Variants in DOCK3 observed in about 807,000 individuals in gnomAD.
The protein encoded by DOCK3 is dedicator of cytokinesis 3.
In DOCK3, 60 loss-of-function variants were observed where a neutral mutation model predicts 265.6. The ratio of observed to expected loss-of-function variants is 0.23; its 90% CI spans 0.18 to 0.28. DOCK3 has a LOEUF of 0.28. Among genes scored for constraint, DOCK3 ranks in the 10% least tolerant of loss-of-function variants. The probability of loss-of-function intolerance (pLI) is 1.00; values close to 1 mark genes in which losing one functional copy is unlikely to be tolerated. For missense variants in DOCK3, 1,981 were observed against 2,594.3 expected (o/e 0.76, Z 5.14); for synonymous variants, 881 against 938.0 (o/e 0.94, Z 1.11).
chr3:50,739,457 A>G (rs2038871666), intron 1 of DOCK3, among the ~76,000 whole-genome samples: 1 of 152,086 alleles, frequency 6.6e-6, no homozygotes, highest in Non-Finnish European at 1.5e-5. Flanking sequence ...TGAACCACCC[A>G]TTCCTTAGTA....
chr3:51,310,940 CAT>C (rs1275378312), intron 28 of DOCK3, among the ~76,000 whole-genome samples: 3 of 152,184 alleles, frequency 2.0e-5, no homozygotes, highest in East Asian at 1.9e-4. Context: ...TTTATATTGA[CAT>C]ATAAAATACA....
intron 5 of DOCK3, among the ~76,000 whole-genome samples, chr3:51,048,060 A>G (rs779218494): frequency 9.9e-5 from 15 of 152,162 alleles, no homozygotes; most frequent in Non-Finnish European, 2.2e-4. Context: ...GGATGCAAAT[A>G]TGGCTCAACA....
At chr3:51,276,765 A>T (rs951278306) in intron 25 of DOCK3, among the ~76,000 whole-genome samples, 1 of 152,182 alleles carries the variant, frequency 6.6e-6, no homozygotes, top group Non-Finnish European at 1.5e-5. Flanking sequence ...TGATAAATCG[A>T]TGGATGGGTG....
At position 51,095,851 on chromosome 3, in the gene DOCK3, CAAAAAAA is replaced by C. The variant is rs71278627; in HGVS notation, c.746+5486_746+5492del. Among the ~76,000 whole-genome samples, 29 of 9,806 alleles carry C rather than the reference CAAAAAAA, an allele frequency of 3.0e-3. No individual in the cohort carries two copies. In the South Asian group the frequency reaches 0.067, roughly 23 times the overall value. 6.4% of individuals were successfully genotyped at this position (9,806 alleles called of 152,430 possible). On this transcript the variant is annotated intron_variant, in intron 9 of 52. Coordinates refer to ENST00000266037, the MANE Select transcript of DOCK3 (RefSeq NM_004947.5). ...CCTTAAGTGACATAAATAAGGTTAG[CAAAAAAA>C]AAAAAAAAAAAAAAAAAAGAATGTT...
intron 12 of DOCK3, among the ~76,000 whole-genome samples, chr3:51,163,300 G>C (rs1257845671): frequency 6.6e-6 from 1 of 151,926 alleles, no homozygotes; most frequent in Non-Finnish European, 1.5e-5. Context: ...CTTAGCCAGA[G>C]AAGGTAGAAA....
At chr3:51,000,361 AT>A (rs1318561561) in intron 5 of DOCK3, among the ~76,000 whole-genome samples, 4 of 152,172 alleles carry the variant, frequency 2.6e-5, no homozygotes, top group African/African-American at 9.7e-5. Flanking sequence ...ACATACAATA[AT>A]TTGTGAATGA....
At chr3:51,182,478 C>G (rs564194516) in intron 12 of DOCK3, among the ~76,000 whole-genome samples, 16 of 152,308 alleles carry the variant, frequency 1.1e-4, no homozygotes, top group African/African-American at 3.6e-4. Flanking sequence ...TCCTTGCTCT[C>G]CAGAGAGGAC....
intron 1 of DOCK3, among the ~76,000 whole-genome samples, chr3:50,733,451 T>C (rs189881443): frequency 6.6e-6 from 1 of 152,220 alleles, no homozygotes; most frequent in African/African-American, 2.4e-5. Flanking sequence ...CCTTCATGAA[T>C]TGACCCCTTA....
chr3:51,180,189 C>T (rs1309690367), intron 12 of DOCK3, among the ~76,000 whole-genome samples: 2 of 127,754 alleles, frequency 1.6e-5, no homozygotes, highest in Non-Finnish European at 3.2e-5. Context: ...GCCTGGGTGA[C>T]AGCTCGAGAC....
chr3:50,868,188 C>G (rs1033959367), intron 3 of DOCK3, among the ~76,000 whole-genome samples: 29 of 152,106 alleles, frequency 1.9e-4, no homozygotes, highest in Middle Eastern at 6.8e-3. Context: ...ATTCTCCTGT[C>G]TCAGCCTCCT....
At chr3:50,835,761 AAAAGGG>A (rs546816507) in intron 2 of DOCK3, among the ~76,000 whole-genome samples, 3 of 152,340 alleles carry the variant, frequency 2.0e-5, no homozygotes, top group African/African-American at 7.2e-5. Flanking sequence ...CTGGATCTTC[AAAAGGG>A]AAACCTTATG....
At chr3:50,913,630 A>T (rs2049973257) in intron 4 of DOCK3, among the ~76,000 whole-genome samples, 2 of 152,092 alleles carry the variant, frequency 1.3e-5, no homozygotes, top group Admixed American at 1.3e-4. Flanking sequence ...CAACCACTGG[A>T]ATTGTTGATT....
intron 12 of DOCK3, among the ~76,000 whole-genome samples, chr3:51,172,862 A>G (rs1312992925): frequency 6.6e-6 from 1 of 152,078 alleles, no homozygotes; most frequent in Non-Finnish European, 1.5e-5. Flanking sequence ...AACATTTTAT[A>G]ATTTTTTGTT....
At chr3:50,706,701 T>C (rs1025083021) in intron 1 of DOCK3, among the ~76,000 whole-genome samples, 2 of 152,344 alleles carry the variant, frequency 1.3e-5, no homozygotes, top group African/African-American at 4.8e-5. Context: ...TTTGCCCATC[T>C]CTTCTCTGGA....
At chr3:51,276,819 G>A (rs1480358) in intron 25 of DOCK3, among the ~76,000 whole-genome samples, 138,876 of 152,276 alleles carry the variant, frequency 0.91, 63,472 homozygotes, top group African/African-American at 0.96. Flanking sequence ...CATCTTAGAC[G>A]AGGGGCAACA....
intron 12 of DOCK3, among the ~76,000 whole-genome samples, chr3:51,203,064 T>C (rs1388180295): frequency 2.0e-5 from 3 of 152,280 alleles, no homozygotes; most frequent in South Asian, 2.1e-4. Flanking sequence ...CAATATCATA[T>C]TGAACGGGCA....
rs187532427 is a variant in DOCK3, at chr3:50,937,515, C to T, written c.315+3438C>T. ...TAAAAATACAAAAAAATTAGCCGGGCGTGGTGGTGGGTGTCTGTATTCCCA... is the reference window on the plus strand; with the variant it reads ...TAAAAATACAAAAAAATTAGCCGGGTGTGGTGGTGGGTGTCTGTATTCCCA... On this transcript the variant is annotated intron_variant, in intron 5 of 52. Coordinates refer to ENST00000266037, the MANE Select transcript of DOCK3 (RefSeq NM_004947.5). Among the ~76,000 whole-genome samples, 264 of 151,766 alleles carry T rather than the reference C, an allele frequency of 1.7e-3. 2 individuals carry two copies. Among genetic ancestry groups the T allele is most frequent in the South Asian group, 6.2e-3 (30 of 4,814 alleles).
At chr3:51,239,773 T>C (rs553289834) in intron 21 of DOCK3, among the ~76,000 whole-genome samples, 1 of 152,192 alleles carries the variant, frequency 6.6e-6, no homozygotes, top group African/African-American at 2.4e-5. Context: ...TGATGGTTAT[T>C]TGTATTTCTG....
intron 7 of DOCK3, among the ~76,000 whole-genome samples, chr3:51,085,869 G>A (rs769346741): frequency 7.2e-5 from 11 of 152,006 alleles, no homozygotes; most frequent in Admixed American, 1.3e-4. Flanking sequence ...AAGGATCAGC[G>A]AAACAAAAAG....
Sources: gnomAD v4.1 joint callset for allele counts (sites outside exome capture counted in the v4.1 genomes callset) on GRCh38, gnomAD v4.1.1 for gene constraint, MANE v1.5 for transcripts, NCBI Gene and HGNC (gene_info 2026-07-23, HGNC 2026-07-21) for gene names.